Variants in ECM2 observed in about 807,000 individuals in gnomAD.
ECM2 encodes extracellular matrix protein 2, female organ and adipocyte specific.
ECM2 carries 57 observed loss-of-function variants against 67.5 expected under a neutral mutation model. That is an observed-to-expected ratio of 0.84 (90% CI 0.68 to 1.05). ECM2 has a LOEUF of 1.05. ECM2 is among the 50% of genes least tolerant of loss of function. The pLI is 0.00. For synonymous variants in ECM2, 258 were observed against 294.5 expected, an observed-to-expected ratio of 0.88 and a Z score of 1.27; for missense variants, 741 against 822.8, an observed-to-expected ratio of 0.90 and a Z score of 1.22.
chr9:92,528,694 A>T (rs1848565571), intron 1 of ECM2, among the ~76,000 whole-genome samples: 1 of 152,246 alleles, frequency 6.6e-6, no homozygotes, highest in Non-Finnish European at 1.5e-5. Context: ...AGTAGAGGAA[A>T]ATAATTAGCC....
At chr9:92,503,054 C>T (rs180697285) in intron 7 of ECM2, among the ~76,000 whole-genome samples, 296 of 152,050 alleles carry the variant, frequency 1.9e-3, no homozygotes, top group African/African-American at 6.8e-3. Context: ...GTGATCTACC[C>T]GCCTCGGCCT....
In ECM2 at chr9:92,501,067, A is replaced by G. The variant is rs752007103; in HGVS notation, c.1605-14T>C. 2 of 1,608,920 alleles carry G rather than the reference A, an allele frequency of 1.2e-6. No individual in the cohort carries two copies. The highest frequency in any genetic ancestry group is 1.1e-5 in the South Asian group (1 of 90,908). On this transcript the variant is annotated splice_polypyrimidine_tract_variant and intron_variant, in intron 8 of 9. Coordinates refer to ENST00000344604, the MANE Select transcript of ECM2 (RefSeq NM_001393.4). ...GATTCTAGATTTCTGCAGCAAAGAA[A>G]AAAGTAAACAGGGTAGGGACATCAG...
At chr9:92,526,650 AT>A (rs1331415284) in intron 1 of ECM2, among the ~76,000 whole-genome samples, 1 of 151,996 alleles carries the variant, frequency 6.6e-6, no homozygotes, top group Non-Finnish European at 1.5e-5. Flanking sequence ...GATTAAAAAA[AT>A]CAAGAAGCCT....
chr9:92,543,214 G>A, the ECM2 span, among the ~76,000 whole-genome samples: 3 of 152,156 alleles, frequency 2.0e-5, no homozygotes, highest in Non-Finnish European at 4.4e-5. Flanking sequence ...GCTCACACCT[G>A]TAATCCAAGC....
chr9:92,505,734 C>A (rs1233638875), intron 6 of ECM2, 44 bp from the exon 7 acceptor site: 2 of 1,467,692 alleles, frequency 1.4e-6, no homozygotes, highest in East Asian at 4.8e-5. Context: ...AATTGAAAAA[C>A]CATGCAAATT....
chr9:92,500,622 T>G, intron 9 of ECM2, 105 bp downstream of exon 9: 1 of 1,068,754 alleles, frequency 9.4e-7, no homozygotes, highest in Non-Finnish European at 1.3e-6. Context: ...CTTAGCACCA[T>G]TTTTTTTTCC....
At chr9:92,535,830 C>A in intron 1 of ECM2, 103 bp downstream of exon 1, 1 of 323,662 alleles carries the variant, frequency 3.1e-6, no homozygotes, top group South Asian at 2.6e-5. Context: ...CTATTAGTAA[C>A]GAGCTAATTT....
At chr9:92,502,709 T>C in intron 7 of ECM2, 57 bp from the exon 8 acceptor site, 1 of 1,376,414 alleles carries the variant, frequency 7.3e-7, no homozygotes, top group Non-Finnish European at 9.9e-7. Context: ...TACGTTCAAT[T>C]TCATGGAGAC....
chr9:92,542,976 CTT>C, the ECM2 span, among the ~76,000 whole-genome samples: 2 of 152,170 alleles, frequency 1.3e-5, no homozygotes, highest in Non-Finnish European at 1.5e-5. Context: ...TGAAGAAACT[CTT>C]CTTTCCCCAT....
chr9:92,510,238 A>G (rs1847253495), intron 5 of ECM2, among the ~76,000 whole-genome samples: 1 of 152,238 alleles, frequency 6.6e-6, no homozygotes, highest in African/African-American at 2.4e-5. Flanking sequence ...AGGGATTTTC[A>G]GCAGACTACA....
rs368447634 is a variant in ECM2 at position 92,512,141 on chromosome 9, G to A, written c.1055-15C>T. 3.6e-5 allele frequency: 57 copies of A among 1,593,146 alleles called. No homozygotes were observed. Among genetic ancestry groups the A allele is most frequent in the Non-Finnish European group, 4.5e-5 (52 of 1,161,808 alleles). ...GATGGAATTGCCTAGGACACACAGC[G>A]GTTATGTTTTAGGCATGTGTGCATA... On this transcript the variant is annotated splice_polypyrimidine_tract_variant and intron_variant, in intron 4 of 9. Coordinates refer to ENST00000344604, the MANE Select transcript of ECM2 (RefSeq NM_001393.4).
chr9:92,524,037 C>G (rs1263747302), intron 1 of ECM2, among the ~76,000 whole-genome samples: 1 of 152,160 alleles, frequency 6.6e-6, no homozygotes, highest in Non-Finnish European at 1.5e-5. Flanking sequence ...GACATGGCCC[C>G]CTCTCTGGGC....
At chr9:92,550,796 AG>A in the ECM2 span, among the ~76,000 whole-genome samples, 202 of 152,326 alleles carry the variant, frequency 1.3e-3, no homozygotes, top group African/African-American at 4.6e-3. Flanking sequence ...CTGGAAAGCC[AG>A]GTTCCAATTT....
At chr9:92,512,930 G>A (rs928366477) in intron 4 of ECM2, among the ~76,000 whole-genome samples, 1 of 152,188 alleles carries the variant, frequency 6.6e-6, no homozygotes, top group Admixed American at 6.5e-5. Context: ...TCCTGAGCAT[G>A]AGAGGAGTTC....
At position 92,529,619 on chromosome 9, in the gene ECM2, C is replaced by A. The variant is rs533162280; in HGVS notation, c.-28+6314G>T. On this transcript the variant is annotated intron_variant, in intron 1 of 9. Coordinates refer to ENST00000344604, the MANE Select transcript of ECM2 (RefSeq NM_001393.4). The stretch of plus-strand genomic sequence containing the variant: ...TATATTCAGACAATGGAATATTATT[C>A]AACACCAAAAAGAAATGAGCCATCA... 1.6e-4 allele frequency among the ~76,000 whole-genome samples: 25 copies of A among 152,098 alleles called. 1 individual carries two copies. The highest frequency in any genetic ancestry group is 5.8e-4 in the African/African-American group (24 of 41,504).
In ECM2 at chr9:92,532,029, A is replaced by AT. The variant is rs201461115; in HGVS notation, c.-28+3903dup. On this transcript the variant is annotated intron_variant, in intron 1 of 9. Transcript: ENST00000344604. ...TTTTATTTAATGTTTTTTTTTTTTT[A>AT]TTTTATTTTTTTTTTGAGATGAGGT... is the stretch of plus-strand genomic sequence containing the variant. 2.8e-3 allele frequency among the ~76,000 whole-genome samples: 256 copies of AT among 91,032 alleles called. 11 individuals are homozygous for AT. Among genetic ancestry groups the AT allele is most frequent in the South Asian group, 0.011 (33 of 2,908 alleles). The allele number at this position is 91,032 out of a possible 152,430, so 59.7% of individuals were successfully genotyped here. A position where few individuals can be genotyped will look rare whatever the true frequency, so the allele number is the denominator to read the frequency against.
intron 6 of ECM2, 41 bp from the exon 7 acceptor site, chr9:92,505,731 A>T: frequency 6.8e-7 from 1 of 1,474,282 alleles, no homozygotes; most frequent in Non-Finnish European, 9.1e-7. Flanking sequence ...GATAATTGAA[A>T]AACCATGCAA....
chr9:92,558,964 G>A, the ECM2 span, among the ~76,000 whole-genome samples: 1 of 152,212 alleles, frequency 6.6e-6, no homozygotes, highest in African/African-American at 2.4e-5. Flanking sequence ...ACTGCAAACT[G>A]AAGGGCAGTT....
chr9:92,507,001 G>A (rs959040498), intron 6 of ECM2, among the ~76,000 whole-genome samples: 8 of 152,118 alleles, frequency 5.3e-5, no homozygotes, highest in African/African-American at 1.7e-4. Flanking sequence ...TCCGCCTCCC[G>A]GGTTCAAGCA....
Sources: allele counts gnomAD v4.1 joint callset (sites outside exome capture counted in the v4.1 genomes callset), GRCh38; gene constraint gnomAD v4.1.1; transcripts MANE v1.5; gene names NCBI Gene and HGNC (gene_info 2026-07-23, HGNC 2026-07-21).